LTBP2: variants seen among roughly 807,000 people sequenced by gnomAD.
The protein encoded by LTBP2 is latent-transforming growth factor beta-binding protein 2.
In LTBP2, 103 loss-of-function variants were observed where a neutral mutation model predicts 210.6. The ratio of observed to expected loss-of-function variants is 0.49; its 90% CI spans 0.42 to 0.58. The LOEUF is 0.58. LTBP2 is among the 20% of genes least tolerant of loss of function. LTBP2 has a pLI of 0.00. For missense variants in LTBP2, 2,313 were observed against 2,494.5 expected (o/e 0.93, Z 1.55); for synonymous variants, 1,007 against 1,015.0 (o/e 0.99, Z 0.15).
intron 4 of LTBP2, among the ~76,000 whole-genome samples, chr14:74,554,528 T>A (rs993202017): frequency 6.6e-6 from 1 of 151,828 alleles, no homozygotes; most frequent in Non-Finnish European, 1.5e-5. Context: ...GAAAAGAAAA[T>A]GTAACGCTAA....
In LTBP2 at chr14:74,505,581, G is replaced by A. The variant is rs138850837; in HGVS notation, c.4178-407C>T. 7.6e-3 allele frequency among the ~76,000 whole-genome samples: 1,117 copies of A among 147,768 alleles called. 14 individuals carry two copies. The highest frequency in any genetic ancestry group is 0.026 in the African/African-American group (1,034 of 40,380). ...ACCCCAGCCCCTCCCACCCTTCCTC[G>A]TCTCCCTCACTTTCCCCCAAGGCAG... On this transcript the variant is annotated intron_variant, in intron 28 of 35. Transcript: ENST00000261978.
At chr14:74,559,011 G>A (rs1454156263) in intron 3 of LTBP2, among the ~76,000 whole-genome samples, 2 of 152,160 alleles carry the variant, frequency 1.3e-5, no homozygotes, top group Non-Finnish European at 2.9e-5. Flanking sequence ...TGAGGATGAC[G>A]AGAACAGTGA....
intron 28 of LTBP2, 150 bp downstream of exon 28, chr14:74,505,898 T>A: frequency 9.2e-7 from 1 of 1,092,056 alleles, no homozygotes; most frequent in South Asian, 1.4e-5. Context: ...CACCCCTCCA[T>A]GCACCAGGCC....
intron 3 of LTBP2, among the ~76,000 whole-genome samples, chr14:74,564,063 A>ATATATATT (rs2087835085): frequency 4.1e-5 from 1 of 24,570 alleles, no homozygotes; most frequent in African/African-American, 2.0e-4. Context: ...ATATATATTT[A>ATATATATT]TATATATATA....
intron 3 of LTBP2, among the ~76,000 whole-genome samples, chr14:74,576,627 T>TACACTGTA (rs2088061620): frequency 6.6e-6 from 1 of 151,800 alleles, no homozygotes. Flanking sequence ...GCATACGCTG[T>TACACTGTA]ACACTGTACA....
At chr14:74,511,217 G>A in intron 19 of LTBP2, 28 bp downstream of exon 19, 1 of 1,613,294 alleles carries the variant, frequency 6.2e-7, no homozygotes, top group Non-Finnish European at 8.5e-7. Flanking sequence ...CGAATGGCTG[G>A]CTCAGTGCCT....
At chr14:74,540,015 G>C (rs1056764856) in intron 8 of LTBP2, among the ~76,000 whole-genome samples, 1 of 152,152 alleles carries the variant, frequency 6.6e-6, no homozygotes, top group African/African-American at 2.4e-5. Flanking sequence ...GCTTCTAGAG[G>C]GAAATAAATG....
At chr14:74,571,757 G>A (rs1201712433) in intron 3 of LTBP2, among the ~76,000 whole-genome samples, 2 of 152,196 alleles carry the variant, frequency 1.3e-5, no homozygotes, top group African/African-American at 4.8e-5. Context: ...GGGCACTCGC[G>A]GGTGGACATG....
intron 3 of LTBP2, among the ~76,000 whole-genome samples, chr14:74,567,364 C>T (rs1359522692): frequency 6.6e-6 from 1 of 152,310 alleles, no homozygotes; most frequent in African/African-American, 2.4e-5. Flanking sequence ...AGATCCTGCG[C>T]GGCCTTTGTT....
At chr14:74,529,687 A>G (rs925525197) in intron 10 of LTBP2, among the ~76,000 whole-genome samples, 1 of 152,192 alleles carries the variant, frequency 6.6e-6, no homozygotes, top group Non-Finnish European at 1.5e-5. Context: ...CACAGAATCA[A>G]CCAGCCAATC....
chr14:74,505,103 G>C lies in LTBP2; in HGVS notation c.4249C>G (p.Gln1417Glu). The change falls in exon 29 of 36, where the codon CAG (glutamine) becomes GAG (glutamate). Residue 1417 changes from glutamine (Q) to glutamate (E), a missense_variant. Gln to Glu is a conservative substitution (Grantham distance 29, BLOSUM62 2). Transcript: ENST00000261978. ...CTGGAGCAGGGCGCATGGCCCTTCTGCCCGGAGTAGCAGTCCATGCGGGTG... is the reference window on the plus strand; with the variant it reads ...CTGGAGCAGGGCGCATGGCCCTTCTCCCCGGAGTAGCAGTCCATGCGGGTG... Reference protein sequence around the residue: ...APTRMDCYSGQKGHAPCSSVL... With the variant: ...APTRMDCYSGEKGHAPCSSVL... The C allele has an allele frequency of 6.2e-7, 1 of 1,614,008 alleles. No homozygotes were observed.
Position 74,585,896 on chromosome 14 carries a change from G to A in LTBP2, c.788C>T (p.Pro263Leu), listed in dbSNP as rs759374463. Residue 263 changes from proline to leucine, a missense_variant, in exon 3 of 36, where the codon CCA (proline) becomes CTA (leucine). Pro to Leu is a moderately conservative substitution (Grantham distance 98). Transcript: ENST00000261978. ...GEGTLARAQPPAPQSPPAPQS... is the reference protein window; with the variant it reads ...GEGTLARAQPLAPQSPPAPQS... ...TGGTGCGGGCGGCGACTGTGGTGCT[G>A]GCGGCTGTGCTCTGGCCAAGGTGCC... The A allele has an allele frequency of 3.2e-5, 52 of 1,613,890 alleles. No individual in the cohort carries two copies. The highest frequency in any genetic ancestry group is 4.3e-5 in the Non-Finnish European group (51 of 1,179,950).
Position 74,585,849 on chromosome 14 carries a change from C to T in LTBP2, c.830+5G>A. Reference sequence around the variant, plus strand: ...ACCCCAAGCCCCATGGAGAAGGGGACTTACCCAGCTGGTGGCGACTGTGGT... The same window carrying T: ...ACCCCAAGCCCCATGGAGAAGGGGATTTACCCAGCTGGTGGCGACTGTGGT... On this transcript the variant is annotated splice_donor_5th_base_variant and intron_variant, in intron 3 of 35. Coordinates refer to ENST00000261978, the MANE Select transcript of LTBP2 (RefSeq NM_000428.3). The T allele has an allele frequency of 6.2e-7, 1 of 1,613,194 alleles. No individual in the cohort carries two copies. The highest frequency in any genetic ancestry group is 2.2e-5 in the East Asian group (1 of 44,878).
intron 3 of LTBP2, among the ~76,000 whole-genome samples, chr14:74,566,595 G>C (rs2087905345): frequency 6.6e-6 from 1 of 152,156 alleles, no homozygotes; most frequent in Non-Finnish European, 1.5e-5. Context: ...CCAAACCCCT[G>C]GGGACCTAAG....
chr14:74,587,792 A>AGTG (rs2088228623), intron 2 of LTBP2, among the ~76,000 whole-genome samples: 1 of 152,132 alleles, frequency 6.6e-6, no homozygotes, highest in South Asian at 2.1e-4. Flanking sequence ...CAGAATCCAA[A>AGTG]CCAGGGGCTG....
At chr14:74,567,628 G>A (rs188458536) in intron 3 of LTBP2, among the ~76,000 whole-genome samples, 59 of 152,282 alleles carry the variant, frequency 3.9e-4, no homozygotes, top group African/African-American at 1.3e-3. Flanking sequence ...GGGCCCAGCT[G>A]GACCACCCAA....
chr14:74,550,297 G>C (rs2087635043), intron 7 of LTBP2, among the ~76,000 whole-genome samples: 1 of 152,146 alleles, frequency 6.6e-6, no homozygotes, highest in African/African-American at 2.4e-5. Context: ...CTACCTCCAG[G>C]GAACTGCAGG....
In LTBP2 at chr14:74,519,778, C is replaced by T. The variant is rs147039626; in HGVS notation, c.2788+2133G>A. ...GCACGGTGGCAGAAACTTGTGTCTG[C>T]ACCAGTCCTGGTGACACCATTCTCT... On this transcript the variant is annotated intron_variant, in intron 17 of 35. Transcript: ENST00000261978. Among the ~76,000 whole-genome samples the T allele has an allele frequency of 1.4e-3, 206 of 152,306 alleles. 1 individual carries two copies. Among genetic ancestry groups the T allele is most frequent in the African/African-American group, 4.9e-3 (202 of 41,564 alleles).
rs2139687767 is a variant in LTBP2 at position 74,503,475 on chromosome 14, T to C, written c.4714A>G (p.Ser1572Gly). 6.2e-7 allele frequency: 1 copy of C among 1,611,630 alleles called. No homozygotes were observed. The highest frequency in any genetic ancestry group is 1.7e-4 in the Middle Eastern group (1 of 6,058). The change falls in exon 32 of 36, where the codon AGC (serine) becomes GGC (glycine). Residue 1572 changes from serine to glycine, a missense_variant. Around this residue, in one of 3 missense-constraint regions of LTBP2, gnomAD observed 443 missense variants for 501.4 expected, o/e 0.88. Transcript: ENST00000261978. ...CACGCTCAGGCCCACTCACCCGTGCTGCTGGTGCTGTTCATGCAGCGCTGC... is the reference window on the plus strand; with the variant it reads ...CACGCTCAGGCCCACTCACCCGTGCCGCTGGTGCTGTTCATGCAGCGCTGC... ...SQQRCMNSTS[S>G]TEDLPDHDIH... is the part of the protein sequence containing the mutation.
Sources: allele counts gnomAD v4.1 joint callset (sites outside exome capture counted in the v4.1 genomes callset), GRCh38; gene constraint gnomAD v4.1.1; regional missense constraint gnomAD v4.1.1; transcripts MANE v1.5; gene names NCBI Gene and HGNC (gene_info 2026-07-23, HGNC 2026-07-21).